The following RAD18 variants were observed in gnomAD, a reference collection of about 807,000 sequenced individuals.
RAD18 encodes E3 ubiquitin-protein ligase RAD18.
Under a neutral mutation model 60.4 loss-of-function variants are expected in RAD18, and 47 were observed. The ratio of observed to expected loss-of-function variants is 0.78; its 90% CI spans 0.62 to 0.99. The LOEUF (loss-of-function observed/expected upper bound fraction) is 0.99, where lower values mean the gene tolerates loss of function less well. Among genes scored for constraint, RAD18 ranks in the 50% least tolerant of loss-of-function variants. The pLI, the probability that RAD18 is intolerant of heterozygous loss-of-function variation, is 0.00. For missense variants in RAD18, 640 were observed against 593.3 expected, an observed-to-expected ratio of 1.08 and a Z score of -0.82; for synonymous variants, 225 against 195.5, an observed-to-expected ratio of 1.15 and a Z score of -1.26.
rs1403373792 is a variant in RAD18, at chr3:8,878,242, G to T, written c.*3115C>A. 6.6e-6 allele frequency: 1 copy of T among 152,156 alleles called. No individual in the cohort carries two copies. The highest frequency in any genetic ancestry group is 1.5e-5 in the Non-Finnish European group (1 of 68,032). 9.4% of individuals were successfully genotyped at this position (152,156 alleles called of 1,614,324 possible). ...AAATACACAGAAGGAATGGAGAAATGCCCCCTTTAAGGTCTCAATGCAGGT... is the reference window on the plus strand; with the variant it reads ...AAATACACAGAAGGAATGGAGAAATTCCCCCTTTAAGGTCTCAATGCAGGT... On this transcript the variant is annotated 3_prime_UTR_variant, in exon 13 of 13. Coordinates refer to ENST00000264926, the MANE Select transcript of RAD18 (RefSeq NM_020165.4).
intron 9 of RAD18, among the ~76,000 whole-genome samples, chr3:8,906,222 T>C (rs578177241): frequency 1.3e-5 from 2 of 152,232 alleles, no homozygotes; most frequent in South Asian, 4.1e-4. Context: ...ATACAGTTAG[T>C]AGTAATATAA....
chr3:8,900,531 TA>T (rs1223095350), intron 10 of RAD18, among the ~76,000 whole-genome samples: 1 of 152,304 alleles, frequency 6.6e-6, no homozygotes, highest in African/African-American at 2.4e-5. Flanking sequence ...TCTGTGGGCA[TA>T]AAAAATAAGT....
intron 10 of RAD18, among the ~76,000 whole-genome samples, chr3:8,901,043 A>G (rs903516856): frequency 6.6e-6 from 1 of 152,248 alleles, no homozygotes; most frequent in African/African-American, 2.4e-5. Context: ...TTGTTCAATG[A>G]CCATGAGTTA....
chr3:8,893,667 T>C (rs1431269002), intron 11 of RAD18, among the ~76,000 whole-genome samples: 1 of 151,850 alleles, frequency 6.6e-6, no homozygotes, highest in East Asian at 1.9e-4. Context: ...ACAGTGATAA[T>C]TACTTTGTAC....
chr3:8,883,812 A>G (rs1939512516), intron 12 of RAD18, among the ~76,000 whole-genome samples: 1 of 152,194 alleles, frequency 6.6e-6, no homozygotes, highest in Non-Finnish European at 1.5e-5. Context: ...TTTGGTTAGC[A>G]TATCATTTAC....
intron 7 of RAD18, among the ~76,000 whole-genome samples, chr3:8,932,045 A>C (rs1047790224): frequency 1.3e-5 from 2 of 152,294 alleles, no homozygotes; most frequent in South Asian, 4.1e-4. Flanking sequence ...AAATTATAAA[A>C]CTCCTAGAAA....
intron 1 of RAD18, among the ~76,000 whole-genome samples, chr3:8,959,498 T>C (rs995392141): frequency 7.9e-5 from 12 of 152,164 alleles, no homozygotes; most frequent in Admixed American, 7.2e-4. Flanking sequence ...AGGCACACAA[T>C]AGTAGGCATC....
At chr3:8,961,213 C>T (rs768697921) in intron 1 of RAD18, among the ~76,000 whole-genome samples, 1 of 152,086 alleles carries the variant, frequency 6.6e-6, no homozygotes, top group Non-Finnish European at 1.5e-5. Context: ...TCATGTCACT[C>T]CAAGACAGTA....
intron 5 of RAD18, among the ~76,000 whole-genome samples, chr3:8,939,966 T>C (rs1284897132): frequency 1.3e-5 from 2 of 152,242 alleles, no homozygotes; most frequent in Non-Finnish European, 1.5e-5. Flanking sequence ...ATGACCAAAC[T>C]ATAGAACTCA....
At chr3:8,921,308 G>A (rs947860014) in intron 7 of RAD18, among the ~76,000 whole-genome samples, 7 of 152,136 alleles carry the variant, frequency 4.6e-5, no homozygotes, top group Admixed American at 2.6e-4. Context: ...GACTTTTTCA[G>A]ACAAACAGAA....
chr3:8,881,900 C>G (rs895046083), intron 12 of RAD18, among the ~76,000 whole-genome samples: 1 of 152,240 alleles, frequency 6.6e-6, no homozygotes, highest in African/African-American at 2.4e-5. Flanking sequence ...ACTTCTCTCA[C>G]TTTTGGCAGA....
chr3:8,954,063 A>G (rs924002268), intron 2 of RAD18, among the ~76,000 whole-genome samples: 2 of 152,248 alleles, frequency 1.3e-5, no homozygotes, highest in Admixed American at 6.5e-5. Flanking sequence ...AAATAGCTAC[A>G]CACACAAAAG....
intron 7 of RAD18, 41 bp from the exon 8 acceptor site, chr3:8,913,761 C>A: frequency 7.8e-7 from 1 of 1,279,332 alleles, no homozygotes; most frequent in South Asian, 1.4e-5. Flanking sequence ...AATCACATGT[C>A]TTTTTTAATC....
chr3:8,902,254 TAA>T, intron 10 of RAD18, 124 bp downstream of exon 10: 1 of 923,870 alleles, frequency 1.1e-6, no homozygotes, highest in Non-Finnish European at 1.5e-6. Context: ...GAAGTTTGTC[TAA>T]AAATACTTTT....
rs143611379 is a variant in RAD18, at chr3:8,959,813, C to T, written c.52-812G>A. ...GGGAGGATCGCTTGAGTCCAGGAGG[C>T]GTAGGTTGCAGTGAGCCCACATCGC... is the stretch of plus-strand genomic sequence containing the variant. On this transcript the variant is annotated intron_variant, in intron 1 of 12. Transcript: ENST00000264926. 6.1e-3 allele frequency among the ~76,000 whole-genome samples: 890 copies of T among 145,990 alleles called. 5 individuals are homozygous for T. Among genetic ancestry groups the T allele is most frequent in the African/African-American group, 0.022 (846 of 39,142 alleles).
At chr3:8,963,091 C>G (rs1941116748) in intron 1 of RAD18, among the ~76,000 whole-genome samples, 1 of 152,202 alleles carries the variant, frequency 6.6e-6, no homozygotes, top group South Asian at 2.1e-4. Context: ...GATTGGATCG[C>G]AGAATAGCTG....
chr3:8,910,743 G>A (rs2125054297), intron 9 of RAD18, among the ~76,000 whole-genome samples: 1 of 152,314 alleles, frequency 6.6e-6, no homozygotes, highest in East Asian at 1.9e-4. Flanking sequence ...TTAAAGGATG[G>A]AAGGGAAGCA....
At chr3:8,896,249 T>C (rs1014518971) in intron 11 of RAD18, among the ~76,000 whole-genome samples, 10 of 152,248 alleles carry the variant, frequency 6.6e-5, no homozygotes, top group African/African-American at 1.7e-4. Context: ...AAAAACATGA[T>C]AGATTCTACT....
chr3:8,904,355 T>C (rs916333480), intron 9 of RAD18, among the ~76,000 whole-genome samples: 2 of 152,270 alleles, frequency 1.3e-5, no homozygotes, highest in African/African-American at 4.8e-5. Flanking sequence ...AGGAAGAAAA[T>C]AGTTGGATTC....
Sources: allele counts gnomAD v4.1 joint callset (sites outside exome capture counted in the v4.1 genomes callset), GRCh38; gene constraint gnomAD v4.1.1; transcripts MANE v1.5; gene names NCBI Gene and HGNC (gene_info 2026-07-23, HGNC 2026-07-21).